The following TRABD2B variants were observed in gnomAD, a reference collection of about 807,000 sequenced individuals.
The protein encoded by TRABD2B is TraB domain containing 2B.
TRABD2B carries 14 observed loss-of-function variants against 40.1 expected under a neutral mutation model. That is an observed-to-expected ratio of 0.35 (90% CI 0.23 to 0.55). The LOEUF (loss-of-function observed/expected upper bound fraction) is 0.55, where lower values mean the gene tolerates loss of function less well. Among genes scored for constraint, TRABD2B ranks in the 20% least tolerant of loss-of-function variants. TRABD2B has a pLI of 0.90. For synonymous variants in TRABD2B, 263 were observed against 277.0 expected, an observed-to-expected ratio of 0.95 and a Z score of 0.50; for missense variants, 541 against 648.6, an observed-to-expected ratio of 0.83 and a Z score of 1.80.
chr1:47,995,073 G>A (rs1269649761), intron 1 of TRABD2B, among the ~76,000 whole-genome samples: 1 of 152,088 alleles, frequency 6.6e-6, no homozygotes, highest in East Asian at 1.9e-4. Context: ...GGGGAAAGGA[G>A]GACCAAGAGT....
intron 2 of TRABD2B, among the ~76,000 whole-genome samples, chr1:47,961,470 C>G (rs1484280562): frequency 6.6e-6 from 1 of 152,126 alleles, no homozygotes; most frequent in Non-Finnish European, 1.5e-5. Flanking sequence ...CCATCTGACA[C>G]AGGGCTAATA....
intron 2 of TRABD2B, among the ~76,000 whole-genome samples, chr1:47,883,743 G>A (rs749208236): frequency 1.3e-5 from 2 of 152,220 alleles, no homozygotes; most frequent in Non-Finnish European, 2.9e-5. Context: ...GATGGCAAAC[G>A]CAAACCCACT....
At chr1:47,848,164 T>C (rs1538779) in intron 2 of TRABD2B, among the ~76,000 whole-genome samples, 45,148 of 152,164 alleles carry the variant, frequency 0.3, 6,844 homozygotes, top group East Asian at 0.46. Flanking sequence ...CTTTCTTTTC[T>C]CTATGAGGGC....
At chr1:47,838,255 G>A (rs1362502625) in intron 2 of TRABD2B, among the ~76,000 whole-genome samples, 1 of 152,208 alleles carries the variant, frequency 6.6e-6, no homozygotes, top group African/African-American at 2.4e-5. Context: ...CATTCATCCA[G>A]GGACCCAAAG....
At chr1:47,775,538 G>A (rs1348892569) in intron 5 of TRABD2B, 99 bp from the exon 6 acceptor site, 21 of 1,179,088 alleles carry the variant, frequency 1.8e-5, no homozygotes, top group Middle Eastern at 2.2e-4. Context: ...GTCATGGCAG[G>A]AGAAAGTGCC....
chr1:47,974,317 G>A (rs922695078), intron 2 of TRABD2B, among the ~76,000 whole-genome samples: 3 of 151,884 alleles, frequency 2.0e-5, no homozygotes, highest in African/African-American at 4.8e-5. Context: ...TCAGGTCCTT[G>A]GCACGTGCTG....
At chr1:47,939,194 G>A (rs771318981) in intron 2 of TRABD2B, among the ~76,000 whole-genome samples, 2 of 151,846 alleles carry the variant, frequency 1.3e-5, no homozygotes, top group African/African-American at 4.8e-5. Context: ...TTCGATTAGG[G>A]TATGCAGGCA....
At chr1:47,866,554 G>A (rs1192898931) in intron 2 of TRABD2B, among the ~76,000 whole-genome samples, 4 of 152,162 alleles carry the variant, frequency 2.6e-5, no homozygotes, top group Non-Finnish European at 5.9e-5. Context: ...TGAGTGCCCA[G>A]CCAGGGCAGC....
At chr1:47,963,097 T>C (rs184015637) in intron 2 of TRABD2B, among the ~76,000 whole-genome samples, 15 of 152,376 alleles carry the variant, frequency 9.8e-5, no homozygotes, top group East Asian at 9.6e-4. Flanking sequence ...AGACCAACTA[T>C]GTCTGTGCCA....
intron 2 of TRABD2B, among the ~76,000 whole-genome samples, chr1:47,856,672 T>G (rs1240781517): frequency 6.6e-6 from 1 of 152,214 alleles, no homozygotes; most frequent in Non-Finnish European, 1.5e-5. Context: ...AAGCTCTGGT[T>G]ACACACTGTC....
rs1174099125 is a variant in TRABD2B, at chr1:47,802,086, C to G, written c.667-467G>C. ...ACCTAAAGGCCGCCTACCCTGGAAG[C>G]CTTCCTCACCCAGGGAAAGGCCTGA... is the stretch of plus-strand genomic sequence containing the variant. On this transcript the variant is annotated intron_variant, in intron 2 of 6. Coordinates refer to ENST00000606738, the MANE Select transcript of TRABD2B (RefSeq NM_001194986.2). 2.6e-5 allele frequency among the ~76,000 whole-genome samples: 4 copies of G among 152,238 alleles called. No individual in the cohort carries two copies. In the East Asian group the frequency reaches 7.7e-4, roughly 29 times the overall value.
intron 4 of TRABD2B, among the ~76,000 whole-genome samples, chr1:47,789,814 C>T (rs1318873316): frequency 1.3e-5 from 2 of 152,108 alleles, no homozygotes; most frequent in African/African-American, 2.4e-5. Context: ...GCTCTGGTCC[C>T]CACCTTGCTG....
chr1:47,863,395 A>ATATATATATATATATATATATATAG (rs1553159688), intron 2 of TRABD2B, among the ~76,000 whole-genome samples: 1 of 32,022 alleles, frequency 3.1e-5, no homozygotes, highest in Admixed American at 2.9e-4. Context: ...TATATATATA[A>ATATATATATATATATATATATATAG]TCTCTTAAAA....
intron 2 of TRABD2B, among the ~76,000 whole-genome samples, chr1:47,863,369 ATT>A (rs1294944726): frequency 3.3e-5 from 1 of 30,442 alleles, no homozygotes; most frequent in Admixed American, 3.6e-4. Flanking sequence ...ATCCTATATA[ATT>A]TTATATATAT....
intron 6 of TRABD2B, among the ~76,000 whole-genome samples, chr1:47,770,013 C>A (rs1421504317): frequency 1.3e-5 from 2 of 152,060 alleles, no homozygotes; most frequent in Non-Finnish European, 2.9e-5. Flanking sequence ...CCATGAGGCA[C>A]CTCCAAGGGG....
intron 2 of TRABD2B, among the ~76,000 whole-genome samples, chr1:47,941,280 C>T (rs1283770628): frequency 6.6e-6 from 1 of 152,152 alleles, no homozygotes; most frequent in Non-Finnish European, 1.5e-5. Flanking sequence ...TGTCTCATTA[C>T]CCTCCCCCGC....
intron 2 of TRABD2B, among the ~76,000 whole-genome samples, chr1:47,850,350 A>G (rs1031379122): frequency 6.6e-6 from 1 of 152,238 alleles, no homozygotes; most frequent in African/African-American, 2.4e-5. Context: ...GCTCACCAGG[A>G]GGAGTATATG....
At chr1:47,981,593 C>T (rs747361444) in intron 2 of TRABD2B, among the ~76,000 whole-genome samples, 20 of 152,290 alleles carry the variant, frequency 1.3e-4, no homozygotes, top group Non-Finnish European at 2.5e-4. Flanking sequence ...AACCCCACCC[C>T]CTTCCCCACT....
intron 2 of TRABD2B, among the ~76,000 whole-genome samples, chr1:47,912,534 T>C (rs1011231452): frequency 2.0e-5 from 3 of 152,234 alleles, no homozygotes; most frequent in African/African-American, 7.2e-5. Context: ...CCACCTGGGA[T>C]TTCCCAAAAA....
Sources: allele counts gnomAD v4.1 joint callset (sites outside exome capture counted in the v4.1 genomes callset), GRCh38; gene constraint gnomAD v4.1.1; transcripts MANE v1.5; gene names NCBI Gene and HGNC (gene_info 2026-07-23, HGNC 2026-07-21).